The following FAM53A variants were observed in gnomAD, a reference collection of about 807,000 sequenced individuals.
FAM53A encodes the protein family with sequence similarity 53 member A, also known as protein FAM53A.
FAM53A carries 28 observed loss-of-function variants against 26.6 expected under a neutral mutation model. The observed-to-expected ratio is 1.05, with a 90% CI of 0.78 to 1.45. FAM53A has a LOEUF of 1.45. FAM53A is among the 40% of genes most tolerant of loss of function. The pLI, the probability that FAM53A is intolerant of heterozygous loss-of-function variation, is 0.00. For synonymous variants in FAM53A, 290 were observed against 253.1 expected, an observed-to-expected ratio of 1.15 and a Z score of -1.38; for missense variants, 650 against 575.8, an observed-to-expected ratio of 1.13 and a Z score of -1.32.
chr4:1,682,302 C>T (rs1715496682), intron 1 of FAM53A, among the ~76,000 whole-genome samples: 1 of 134,080 alleles, frequency 7.5e-6, no homozygotes, highest in South Asian at 2.3e-4. Flanking sequence ...CTGGCTCTGT[C>T]ATCACGGTGG....
rs75287747 is a variant in FAM53A, at chr4:1,677,524, G to A, written c.-165+6709C>T. Among the ~76,000 whole-genome samples, 980 of 152,266 alleles carry A rather than the reference G, an allele frequency of 6.4e-3. 11 individuals are homozygous for A. The highest frequency in any genetic ancestry group is 0.022 in the African/African-American group (921 of 41,540). On this transcript the variant is annotated intron_variant, in intron 1 of 4. Coordinates refer to ENST00000308132, the MANE Select transcript of FAM53A (RefSeq NM_001174070.3). ...ATATACAGGGCTGCTTTTCATGGGG[G>A]GTTTTAAATTACTTTTTCTGGTCCC...
the FAM53A span, among the ~76,000 whole-genome samples, chr4:1,599,326 C>T: frequency 6.6e-6 from 1 of 152,174 alleles, no homozygotes; most frequent in African/African-American, 2.4e-5. This position sits in a 1 kb window ranked among gnomAD's most constrained non-coding sequence, Gnocchi z 6.1. Flanking sequence ...CCGCCCGGTA[C>T]TTGGCCGGAG....
At chr4:1,621,386 G>A (rs900546088) in intron 1 of FAM53A, among the ~76,000 whole-genome samples, 2 of 152,116 alleles carry the variant, frequency 1.3e-5, no homozygotes, top group Admixed American at 6.5e-5. Flanking sequence ...TTACAGGCAT[G>A]AGCCACCGCG....
At chr4:1,579,176 C>T in the FAM53A span, among the ~76,000 whole-genome samples, 1 of 149,736 alleles carries the variant, frequency 6.7e-6, no homozygotes, top group African/African-American at 2.5e-5. Context: ...AGGCCCCTGC[C>T]CCCCCTGCCC....
downstream of FAM53A, among the ~76,000 whole-genome samples, chr4:1,639,458 G>C (rs1377623087): frequency 6.6e-6 from 1 of 152,166 alleles, no homozygotes; most frequent in Non-Finnish European, 1.5e-5. Context: ...GGTGGCTCTG[G>C]GGAGCAGGTG....
In FAM53A at chr4:1,672,004, C is replaced by T. The variant is rs139271673; in HGVS notation, c.-164-3099G>A. ...AGCCTGCCTGTGACACAGAGCAAAGCGAGCAGCAGTGAACACAGGCACCCA... is the reference window on the plus strand; with the variant it reads ...AGCCTGCCTGTGACACAGAGCAAAGTGAGCAGCAGTGAACACAGGCACCCA... On this transcript the variant is annotated intron_variant, in intron 1 of 4. Transcript: ENST00000308132. Among the ~76,000 whole-genome samples, 612 of 152,256 alleles carry T rather than the reference C, an allele frequency of 4.0e-3. 5 individuals are homozygous for T. The highest frequency in any genetic ancestry group is 0.014 in the African/African-American group (585 of 41,518).
chr4:1,583,270 G>A, the FAM53A span, among the ~76,000 whole-genome samples: 1 of 152,184 alleles, frequency 6.6e-6, no homozygotes, highest in South Asian at 2.1e-4. Context: ...TCTGCAGGCA[G>A]GGTACAGTTA....
chr4:1,650,041 C>T (rs113196292), intron 4 of FAM53A, among the ~76,000 whole-genome samples: 1 of 107,354 alleles, frequency 9.3e-6, no homozygotes, highest in African/African-American at 3.6e-5. Flanking sequence ...GTGGCACAGG[C>T]GTGGCGTTTG....
chr4:1,616,348 C>T (rs1714810520), downstream of FAM53A, among the ~76,000 whole-genome samples: 1 of 152,174 alleles, frequency 6.6e-6, no homozygotes, highest in African/African-American at 2.4e-5. Context: ...GGAGGTCCCA[C>T]CCCTCCCTAC....
At chr4:1,610,580 G>A in the FAM53A span, among the ~76,000 whole-genome samples, 1 of 152,136 alleles carries the variant, frequency 6.6e-6, no homozygotes, top group Non-Finnish European at 1.5e-5. Context: ...GGGCAGTGGG[G>A]GTGGCCTGGG....
At chr4:1,586,821 A>G in the FAM53A span, among the ~76,000 whole-genome samples, 5 of 151,064 alleles carry the variant, frequency 3.3e-5, no homozygotes, top group Non-Finnish European at 5.9e-5. Context: ...GAATTGCTGA[A>G]TCATGTGGTG....
At chr4:1,590,623 C>A in the FAM53A span, among the ~76,000 whole-genome samples, 5 of 152,046 alleles carry the variant, frequency 3.3e-5, no homozygotes, top group African/African-American at 1.2e-4. Flanking sequence ...TGTGTGAAGC[C>A]ATCCGTTCCC....
the FAM53A span, among the ~76,000 whole-genome samples, chr4:1,606,406 G>A: frequency 2.6e-5 from 4 of 151,848 alleles, no homozygotes; most frequent in Admixed American, 6.6e-5. Context: ...ACCCCTCCAC[G>A]GTAAGCTCTT....
the FAM53A span, among the ~76,000 whole-genome samples, chr4:1,609,372 G>C: frequency 6.6e-6 from 1 of 152,040 alleles, no homozygotes; most frequent in Non-Finnish European, 1.5e-5. Context: ...CTGCCCCGGG[G>C]CCTCTGATAT....
chr4:1,622,850 C>T lies in FAM53A; in HGVS notation c.432-4739G>A, dbSNP rs535098509. 1.3e-3 allele frequency among the ~76,000 whole-genome samples: 193 copies of T among 152,320 alleles called. 3 individuals are homozygous for T. The highest frequency in any genetic ancestry group is 0.012 in the Admixed American group (186 of 15,308). On this transcript the variant is annotated intron_variant, in intron 1 of 1. Transcript: ENST00000489029. ...GGCCAGAAGCAACCACCCTCTGCCTCGAGGGGCCCCTGCCAGGGACAGGAT... is the reference window on the plus strand; with the variant it reads ...GGCCAGAAGCAACCACCCTCTGCCTTGAGGGGCCCCTGCCAGGGACAGGAT...
intron 1 of FAM53A, among the ~76,000 whole-genome samples, chr4:1,633,887 A>C (rs1398539186): frequency 6.6e-6 from 1 of 152,102 alleles, no homozygotes; most frequent in African/African-American, 2.4e-5. Context: ...GGAAAAGAGA[A>C]AAGGGGGCAT....
the FAM53A span, among the ~76,000 whole-genome samples, chr4:1,581,533 T>C: frequency 3.3e-5 from 5 of 152,374 alleles, no homozygotes; most frequent in Non-Finnish European, 7.3e-5. Flanking sequence ...GGAATATTAC[T>C]GGCAAAACCC....
the FAM53A span, among the ~76,000 whole-genome samples, chr4:1,603,078 T>G: frequency 2.0e-5 from 3 of 152,182 alleles, no homozygotes; most frequent in African/African-American, 7.2e-5. Context: ...TCTCGCCACC[T>G]TTCCCCAAGC....
At chr4:1,625,772 G>GA (rs1175826821) in intron 1 of FAM53A, among the ~76,000 whole-genome samples, 6 of 151,206 alleles carry the variant, frequency 4.0e-5, no homozygotes, top group African/African-American at 1.5e-4. Context: ...CATGGTCAGG[G>GA]TCACGCCAGG....
Sources: gnomAD v4.1 joint callset for allele counts (sites outside exome capture counted in the v4.1 genomes callset) on GRCh38, gnomAD v4.1.1 for gene constraint, Gnocchi (gnomAD v3.1) non-coding constraint, MANE v1.5 for transcripts, NCBI Gene and HGNC (gene_info 2026-07-23, HGNC 2026-07-21) for gene names.